Variants in EPHA6 observed in about 807,000 individuals in gnomAD.
EPHA6 encodes ephrin type-A receptor 6.
In EPHA6, 50 loss-of-function variants were observed where a neutral mutation model predicts 112.0. That is an observed-to-expected ratio of 0.45 (90% confidence interval 0.36 to 0.56). The LOEUF (loss-of-function observed/expected upper bound fraction) is 0.56. Ranked by LOEUF, EPHA6 falls within the 20% of genes least tolerant of loss-of-function variation. The pLI, the probability that EPHA6 is intolerant of heterozygous loss-of-function variation, is 0.00. For missense variants in EPHA6, 1,280 were observed against 1,417.4 expected (o/e 0.90, Z 1.56); for synonymous variants, 529 against 490.7 (o/e 1.08, Z -1.03).
intron 3 of EPHA6, among the ~76,000 whole-genome samples, chr3:97,180,855 C>T (rs1395517815): frequency 6.6e-6 from 1 of 152,068 alleles, no homozygotes; most frequent in Non-Finnish European, 1.5e-5. Flanking sequence ...CCTTGGCTGT[C>T]CTAGCTAGCG....
intron 1 of EPHA6, among the ~76,000 whole-genome samples, chr3:96,845,459 C>G (rs185346490): frequency 6.6e-6 from 1 of 151,884 alleles, no homozygotes; most frequent in African/African-American, 2.4e-5. Flanking sequence ...TCTGATGATG[C>G]CTCGCTGCTG....
At chr3:96,824,949 A>G (rs191483780) in intron 1 of EPHA6, among the ~76,000 whole-genome samples, 60 of 152,142 alleles carry the variant, frequency 3.9e-4, no homozygotes, top group African/African-American at 1.1e-3. Flanking sequence ...AAATTAAAAT[A>G]CAATATAAGA....
At chr3:96,917,154 C>T (rs749803536) in intron 2 of EPHA6, among the ~76,000 whole-genome samples, 1 of 152,036 alleles carries the variant, frequency 6.6e-6, no homozygotes, top group Non-Finnish European at 1.5e-5. Context: ...GGTGTGGTGG[C>T]TCGCACCTGT....
At chr3:96,988,120 T>A in intron 3 of EPHA6, 127 bp downstream of exon 3, 1 of 652,984 alleles carries the variant, frequency 1.5e-6, no homozygotes, top group Admixed American at 3.2e-5. Context: ...ATACATATAA[T>A]GTATACTGAT....
At chr3:97,402,391 T>G (rs9819936) in intron 5 of EPHA6, among the ~76,000 whole-genome samples, 6,788 of 152,118 alleles carry the variant, frequency 0.045, 459 homozygotes, top group African/African-American at 0.15. Context: ...TCTTTCATCA[T>G]TATATAAATG....
At chr3:97,596,777 CATATATATATATATATATATATAT>C (rs57541953) in intron 12 of EPHA6, among the ~76,000 whole-genome samples, 2 of 106,210 alleles carry the variant, frequency 1.9e-5, no homozygotes, top group African/African-American at 7.2e-5. Context: ...AACTCATATA[CATATATATATATATATATATATAT>C]ATATATATGG....
At chr3:97,548,635 A>T (rs2092990301) in intron 11 of EPHA6, among the ~76,000 whole-genome samples, 1 of 152,196 alleles carries the variant, frequency 6.6e-6, no homozygotes. Flanking sequence ...ATTATGCAAT[A>T]TGTAGCCTTT....
At chr3:96,816,636 G>A (rs2032806705) in intron 1 of EPHA6, among the ~76,000 whole-genome samples, 1 of 152,022 alleles carries the variant, frequency 6.6e-6, no homozygotes, top group African/African-American at 2.4e-5. Flanking sequence ...GTTTGTAACA[G>A]TTGTTCCCAT....
Position 97,055,722 on chromosome 3 carries a change from T to C in EPHA6, c.1114+67729T>C, listed in dbSNP as rs112736869. ...TCATGTATACAGTTTTTCAAGACTA[T>C]AAGTATATTAAATAGCATTTTCATA... On this transcript the variant is annotated intron_variant, in intron 3 of 17. Coordinates refer to ENST00000389672, the MANE Select transcript of EPHA6 (RefSeq NM_001080448.3). Among the ~76,000 whole-genome samples, 809 of 152,286 alleles carry C rather than the reference T, an allele frequency of 5.3e-3. 6 individuals are homozygous for C. The highest frequency in any genetic ancestry group is 0.018 in the African/African-American group (731 of 41,568).
chr3:97,344,845 A>G (rs546527675), intron 5 of EPHA6, among the ~76,000 whole-genome samples: 1 of 152,268 alleles, frequency 6.6e-6, no homozygotes, highest in South Asian at 2.1e-4. Flanking sequence ...AATATCATCA[A>G]TTCTATAGAA....
intron 2 of EPHA6, among the ~76,000 whole-genome samples, chr3:96,921,848 A>G (rs2039780728): frequency 1.3e-5 from 2 of 152,250 alleles, no homozygotes; most frequent in Non-Finnish European, 1.5e-5. Context: ...GATGTCAAGC[A>G]TGAGCCACTG....
Position 97,677,594 on chromosome 3 carries a change from G to A in EPHA6, c.2784+39512G>A, listed in dbSNP as rs9853231. On this transcript the variant is annotated intron_variant, in intron 14 of 17. Transcript: ENST00000389672. ...AAATTAGCCAGGCATGGTGGCAGGC[G>A]CCTGTAATCCCAGCTATTTGGGTGG... Among the ~76,000 whole-genome samples the A allele has an allele frequency of 7.7e-4, 117 of 152,022 alleles. 2 individuals are homozygous for A. Among genetic ancestry groups the A allele is most frequent in the Non-Finnish European group, 6.6e-4 (45 of 67,996 alleles).
intron 3 of EPHA6, among the ~76,000 whole-genome samples, chr3:97,031,822 A>T (rs111342417): frequency 2.0e-5 from 3 of 152,160 alleles, no homozygotes; most frequent in Non-Finnish European, 2.9e-5. Flanking sequence ...GATGTGGAGA[A>T]ATAGGAACAC....
chr3:96,979,058 T>C (rs572283167), intron 2 of EPHA6, among the ~76,000 whole-genome samples: 2 of 152,142 alleles, frequency 1.3e-5, no homozygotes, highest in Non-Finnish European at 2.9e-5. Context: ...ACAGGGAATA[T>C]AATTCTTTTT....
intron 3 of EPHA6, among the ~76,000 whole-genome samples, chr3:97,025,003 A>G (rs2044588515): frequency 6.6e-6 from 1 of 152,194 alleles, no homozygotes; most frequent in African/African-American, 2.4e-5. Flanking sequence ...TATGTAATGT[A>G]AAGAGGGGGC....
At chr3:97,511,545 G>A (rs997331917) in intron 10 of EPHA6, among the ~76,000 whole-genome samples, 5 of 152,072 alleles carry the variant, frequency 3.3e-5, no homozygotes, top group Admixed American at 3.3e-4. Flanking sequence ...GATGAGTCGG[G>A]TACCTCAGTT....
intron 5 of EPHA6, among the ~76,000 whole-genome samples, chr3:97,303,813 G>C (rs1196491449): frequency 6.6e-6 from 1 of 151,804 alleles, no homozygotes; most frequent in Non-Finnish European, 1.5e-5. Flanking sequence ...AATAAATCAA[G>C]GTTTAAAATT....
chr3:97,288,434 G>A (rs2080552465), intron 5 of EPHA6, among the ~76,000 whole-genome samples: 1 of 152,130 alleles, frequency 6.6e-6, no homozygotes, highest in Non-Finnish European at 1.5e-5. Flanking sequence ...TTTCATGACT[G>A]CTTAGTATTC....
intron 5 of EPHA6, among the ~76,000 whole-genome samples, chr3:97,282,079 A>C (rs2108664400): frequency 6.6e-6 from 1 of 152,356 alleles, no homozygotes; most frequent in African/African-American, 2.4e-5. Context: ...ATAGCAGTTC[A>C]GTAATTGAAC....
Sources: allele counts gnomAD v4.1 joint callset (sites outside exome capture counted in the v4.1 genomes callset), GRCh38; gene constraint gnomAD v4.1.1; transcripts MANE v1.5; gene names NCBI Gene and HGNC (gene_info 2026-07-23, HGNC 2026-07-21).